The following RGS19 variants were observed in gnomAD, a reference collection of about 807,000 sequenced individuals.
The protein encoded by RGS19 is regulator of G protein signaling 19.
RGS19 carries 9 observed loss-of-function variants against 22.0 expected under a neutral mutation model. The ratio of observed to expected loss-of-function variants is 0.41; its 90% confidence interval spans 0.25 to 0.71. RGS19 has a LOEUF of 0.71. RGS19 is among the 30% of genes least tolerant of loss of function. RGS19 has a pLI of 0.32. For synonymous variants in RGS19, 130 were observed against 127.3 expected, an observed-to-expected ratio of 1.02 and a Z score of -0.14; for missense variants, 256 against 307.1, an observed-to-expected ratio of 0.83 and a Z score of 1.24.
chr20:64,073,549 G>T lies in RGS19; in HGVS notation c.*304C>A, dbSNP rs982731384. 10 of 336,452 alleles carry T rather than the reference G, an allele frequency of 3.0e-5. No individual in the cohort carries two copies. The highest frequency in any genetic ancestry group is 9.0e-5 in the Admixed American group (2 of 22,126). The allele number at this position is 336,452 out of a possible 1,614,324, so 20.8% of individuals were successfully genotyped here. A position where few individuals can be genotyped will look rare whatever the true frequency, so the allele number is the denominator to read the frequency against. On this transcript the variant is annotated 3_prime_UTR_variant, in exon 6 of 6. Coordinates refer to ENST00000395042, the MANE Select transcript of RGS19 (RefSeq NM_005873.3). ...ATGGGTCCAGCATGGCTCCTGGGGGGACCCCTACTCTCACCACGCAAGAGC... is the reference window on the plus strand; with the variant it reads ...ATGGGTCCAGCATGGCTCCTGGGGGTACCCCTACTCTCACCACGCAAGAGC...
At chr20:64,075,000 G>T (rs1482590991) in intron 3 of RGS19, among the ~76,000 whole-genome samples, 1 of 152,244 alleles carries the variant, frequency 6.6e-6, no homozygotes, top group Non-Finnish European at 1.5e-5. Flanking sequence ...TCCCCTGGGG[G>T]AGATGGGGTG....
chr20:64,076,840 AG>A lies in RGS19; in HGVS notation c.30+16del, dbSNP rs2059909446. On this transcript the variant is annotated intron_variant, in intron 2 of 5. Transcript: ENST00000395042. ...ATCTCCCCCAGGGGAGCAGAGGCAG[AG>A]GGGGAGGTGGCATACCTGCTTCTCA... The A allele has an allele frequency of 2.5e-6, 4 of 1,571,538 alleles. No homozygotes were observed. Among genetic ancestry groups the A allele is most frequent in the South Asian group, 1.2e-5 (1 of 85,484 alleles).
chr20:64,074,896 C>T (rs1234542955), intron 3 of RGS19, among the ~76,000 whole-genome samples: 1 of 152,210 alleles, frequency 6.6e-6, no homozygotes, highest in Non-Finnish European at 1.5e-5. Context: ...TGCTCCTCCC[C>T]ATCCCTGGCC....
rs1235268346 is a variant in RGS19, at chr20:64,073,735, G to A, written c.*118C>T. On this transcript the variant is annotated 3_prime_UTR_variant, in exon 6 of 6. Coordinates refer to ENST00000395042, the MANE Select transcript of RGS19 (RefSeq NM_005873.3). ...CCCCACTGGGTCTAGGACCGTCTCC[G>A]CGGGTGGGGACCCCAGCCGGCCAGG... 22 of 888,490 alleles carry A rather than the reference G, an allele frequency of 2.5e-5. No homozygotes were observed. Among genetic ancestry groups the A allele is most frequent in the East Asian group, 1.0e-4 (4 of 38,208 alleles). 55.0% of individuals were successfully genotyped at this position (888,490 alleles called of 1,614,324 possible). A position where few individuals can be genotyped will look rare whatever the true frequency, so the allele number is the denominator to read the frequency against.
Position 64,073,764 on chromosome 20 carries a change from G to T in RGS19, c.*89C>A. On this transcript the variant is annotated 3_prime_UTR_variant, in exon 6 of 6. Transcript: ENST00000395042. The stretch of plus-strand genomic sequence containing the variant: ...GTGGGGACCCCAGCCGGCCAGGCAT[G>T]TGCCCTGACAGCCCTGCCGACAACA... The T allele has an allele frequency of 8.2e-7, 1 of 1,214,124 alleles. No individual in the cohort carries two copies. Among genetic ancestry groups the T allele is most frequent in the Non-Finnish European group, 1.2e-6 (1 of 868,338 alleles). The allele number at this position is 1,214,124 out of a possible 1,614,324, so 75.2% of individuals were successfully genotyped here.
In RGS19 at chr20:64,075,642, T is replaced by C. The variant is rs576263489; in HGVS notation, c.152+883A>G. On this transcript the variant is annotated intron_variant, in intron 3 of 5. Transcript: ENST00000395042. This position sits in a 1 kb window ranked among gnomAD's most constrained non-coding sequence, Gnocchi z 4.6. The stretch of plus-strand genomic sequence containing the variant: ...CAGGCTTCTGCAAGGTGTGAAAACA[T>C]CCACCAGCTCCCCTACACTCCTAGG... Among the ~76,000 whole-genome samples the C allele has an allele frequency of 6.6e-6, 1 of 152,064 alleles. No individual in the cohort carries two copies. Among genetic ancestry groups the C allele is most frequent in the African/African-American group, 2.4e-5 (1 of 41,458 alleles).
At position 64,074,339 on chromosome 20, in the gene RGS19, C is replaced by T. The variant is rs1045958680; in HGVS notation, c.267G>A (p.Gln89=). ...PSPEEVQSWA[Q]SFDKLMHSPA... The stretch of plus-strand genomic sequence containing the variant: ...GGCTGTGCATCAGCTTGTCAAAAGA[C>T]TGCGCCCAGCTCTGCACCTCCTCAG... The change falls in exon 5 of 6, where the codon CAG becomes CAA. Residue 89 remains glutamine, a synonymous_variant. Coordinates refer to ENST00000395042, the MANE Select transcript of RGS19 (RefSeq NM_005873.3). 2.5e-6 allele frequency: 4 copies of T among 1,611,964 alleles called. No homozygotes were observed. The highest frequency in any genetic ancestry group is 1.1e-5 in the South Asian group (1 of 91,006).
Position 64,073,776 on chromosome 20 carries a change from C to G in RGS19, c.*77G>C, listed in dbSNP as rs780481382. The G allele has an allele frequency of 3.5e-5, 46 of 1,326,498 alleles. No individual in the cohort carries two copies. The highest frequency in any genetic ancestry group is 6.7e-5 in the South Asian group (5 of 74,730). 82.2% of individuals were successfully genotyped at this position (1,326,498 alleles called of 1,614,324 possible). A position where few individuals can be genotyped will look rare whatever the true frequency, so the allele number is the denominator to read the frequency against. ...GCCGGCCAGGCATGTGCCCTGACAG[C>G]CCTGCCGACAACAACACCTGAAGGG... On this transcript the variant is annotated 3_prime_UTR_variant, in exon 6 of 6. Coordinates refer to ENST00000395042, the MANE Select transcript of RGS19 (RefSeq NM_005873.3).
upstream of RGS19, chr20:64,079,895 G>A (rs1226096426): frequency 6.7e-6 from 1 of 149,062 alleles, no homozygotes; most frequent in Non-Finnish European, 1.5e-5. This position sits in a 1 kb window ranked among gnomAD's most constrained non-coding sequence, Gnocchi z 5.1. Context: ...CGAGCCACTC[G>A]CGCCGCCGCC....
intron 1 of RGS19, among the ~76,000 whole-genome samples, chr20:64,077,753 T>C (rs530962082): frequency 6.1e-4 from 93 of 152,276 alleles, no homozygotes; most frequent in African/African-American, 2.2e-3. Flanking sequence ...GTGTGGTGCA[T>C]GTCCCTCCCA....
chr20:64,078,868 C>T (rs890407310), intron 1 of RGS19, among the ~76,000 whole-genome samples: 2 of 152,148 alleles, frequency 1.3e-5, no homozygotes, highest in Non-Finnish European at 2.9e-5. Context: ...GCTGGATAGG[C>T]GGCACGTCTG....
At chr20:64,074,956 G>A (rs923408457) in intron 3 of RGS19, among the ~76,000 whole-genome samples, 33 of 151,918 alleles carry the variant, frequency 2.2e-4, no homozygotes, top group African/African-American at 7.9e-4. Flanking sequence ...ATGAGGTTGA[G>A]AAGCAGGTAT....
In RGS19 at chr20:64,073,769, C is replaced by T. The variant is rs887256087; in HGVS notation, c.*84G>A. ...GACCCCAGCCGGCCAGGCATGTGCC[C>T]TGACAGCCCTGCCGACAACAACACC... On this transcript the variant is annotated 3_prime_UTR_variant, in exon 6 of 6. Coordinates refer to ENST00000395042, the MANE Select transcript of RGS19 (RefSeq NM_005873.3). 2.2e-5 allele frequency: 28 copies of T among 1,272,060 alleles called. No homozygotes were observed. Among genetic ancestry groups the T allele is most frequent in the Non-Finnish European group, 2.6e-5 (24 of 918,532 alleles). 78.8% of individuals were successfully genotyped at this position (1,272,060 alleles called of 1,614,324 possible).
chr20:64,078,415 G>A (rs1179032768), intron 1 of RGS19, among the ~76,000 whole-genome samples: 1 of 152,164 alleles, frequency 6.6e-6, no homozygotes, highest in Non-Finnish European at 1.5e-5. Context: ...AGGTTTGGTA[G>A]CTGTACCCAG....
At chr20:64,079,819 C>A (rs1323647245), upstream of RGS19, 1 of 150,676 alleles carries the variant, frequency 6.6e-6, no homozygotes, top group Non-Finnish European at 1.5e-5. The surrounding 1 kb of genome is among the most constrained non-coding windows in gnomAD (Gnocchi z 5.1). Flanking sequence ...GGTCCCCGGG[C>A]CCGGGCCGGG....
Position 64,079,375 on chromosome 20 carries a change from G to GT in RGS19, c.-151_-150insA. ...CCTGGCTGCCGAAGGGGCGTGCACT[G>GT]CAGCAGCAGGGACTCAAGTCAGACG... On this transcript the variant is annotated 5_prime_UTR_variant, in exon 1 of 6. Transcript: ENST00000395042. This position sits in a 1 kb window ranked among gnomAD's most constrained non-coding sequence, Gnocchi z 5.1. 6.6e-6 allele frequency: 1 copy of GT among 152,238 alleles called. No individual in the cohort carries two copies. Among genetic ancestry groups the GT allele is most frequent in the South Asian group, 2.1e-4 (1 of 4,824 alleles). 9.4% of individuals were successfully genotyped at this position (152,238 alleles called of 1,614,324 possible).
chr20:64,076,149 G>A (rs2059903744), intron 3 of RGS19, among the ~76,000 whole-genome samples: 1 of 152,192 alleles, frequency 6.6e-6, no homozygotes, highest in African/African-American at 2.4e-5. Context: ...CCAAAGTGCT[G>A]GGACTACAGG....
At position 64,073,948 on chromosome 20, in the gene RGS19, G is replaced by A; in HGVS notation, c.559C>T (p.Leu187Phe). ...FDDAQLQIYT[L>F]MHRDSYPRFL... ...CGGGGGTAGGAGTCCCGGTGCATGA[G>A]CGTGTAGATCTGCAGCTGCGCGTCG... Residue 187 changes from leucine to phenylalanine, a missense_variant, in exon 6 of 6, where the codon CTC (leucine) becomes TTC (phenylalanine). Coordinates refer to ENST00000395042, the MANE Select transcript of RGS19 (RefSeq NM_005873.3). 6.2e-7 allele frequency: 1 copy of A among 1,613,850 alleles called. No homozygotes were observed. The highest frequency in any genetic ancestry group is 8.5e-7 in the Non-Finnish European group (1 of 1,179,904).
chr20:64,076,714 C>T, intron 2 of RGS19, 68 bp from the exon 3 acceptor site: 2 of 1,526,120 alleles, frequency 1.3e-6, no homozygotes, highest in East Asian at 4.6e-5. Flanking sequence ...TCTCCCCCAC[C>T]TTCCCATGGG....
Sources: gnomAD v4.1 joint callset for allele counts (sites outside exome capture counted in the v4.1 genomes callset) on GRCh38, gnomAD v4.1.1 for gene constraint, Gnocchi (gnomAD v3.1) non-coding constraint, MANE v1.5 for transcripts, NCBI Gene and HGNC (gene_info 2026-07-23, HGNC 2026-07-21) for gene names.